Variants in GALNT12 observed in about 807,000 individuals in gnomAD.
GALNT12 encodes polypeptide N-acetylgalactosaminyltransferase 12, also known as UDP-GalNAc:polypeptide N-acetylgalactosaminyltransferase 12.
A neutral mutation model predicts 55.5 loss-of-function variants in GALNT12; 45 were observed. The ratio of observed to expected loss-of-function variants is 0.81; its 90% confidence interval spans 0.64 to 1.04. The LOEUF (loss-of-function observed/expected upper bound fraction) is 1.04. Ranked by LOEUF, GALNT12 falls within the 50% of genes least tolerant of loss-of-function variation. The probability of loss-of-function intolerance (pLI) is 0.00; values close to 1 mark genes in which losing one functional copy is unlikely to be tolerated. For missense variants in GALNT12, 709 were observed against 754.8 expected, an observed-to-expected ratio of 0.94 and a Z score of 0.71; for synonymous variants, 304 against 312.2, an observed-to-expected ratio of 0.97 and a Z score of 0.28.
chr9:98,835,137 T>G lies in GALNT12; in HGVS notation c.918-112T>G, dbSNP rs370803357. The G allele has an allele frequency of 2.5e-4, 204 of 820,710 alleles. 2 individuals are homozygous for G. In the African/African-American group the frequency reaches 2.5e-3, roughly 10 times the overall value. The allele number at this position is 820,710 out of a possible 1,614,324, so 50.8% of individuals were successfully genotyped here. A position where few individuals can be genotyped will look rare whatever the true frequency, so the allele number is the denominator to read the frequency against. Reference sequence around the variant, plus strand: ...GGGGCACAGAGGTGAAGGCGGGATATGCTTAGAGATGACAGATGAACAGAT... The same window carrying G: ...GGGGCACAGAGGTGAAGGCGGGATAGGCTTAGAGATGACAGATGAACAGAT... On this transcript the variant is annotated intron_variant, in intron 4 of 9. Coordinates refer to ENST00000375011, the MANE Select transcript of GALNT12 (RefSeq NM_024642.5).
rs562657592 is a variant in GALNT12, at chr9:98,812,814, T to C, written c.371+4745T>C. On this transcript the variant is annotated intron_variant, in intron 1 of 9. Transcript: ENST00000375011. ...ATTTTTTTCCTCTCTACTAATTTAG[T>C]AGTTATATTATCTATTTCTAACCTT... Among the ~76,000 whole-genome samples, 13 of 152,324 alleles carry C rather than the reference T, an allele frequency of 8.5e-5. 1 individual carries two copies. Among genetic ancestry groups the C allele is most frequent in the African/African-American group, 2.4e-4 (10 of 41,560 alleles).
chr9:98,819,126 G>A (rs1244903319), intron 1 of GALNT12, among the ~76,000 whole-genome samples: 1 of 152,212 alleles, frequency 6.6e-6, no homozygotes, highest in Non-Finnish European at 1.5e-5. Context: ...GGAAACAAGA[G>A]GAATCCTCAA....
At chr9:98,837,210 GGC>G in intron 6 of GALNT12, 62 bp downstream of exon 6, 1 of 1,526,832 alleles carries the variant, frequency 6.5e-7, no homozygotes, top group Non-Finnish European at 9.1e-7. Context: ...AGCTAATCGT[GGC>G]TTCCCCAACA....
chr9:98,833,954 A>G (rs1293822397), intron 4 of GALNT12, among the ~76,000 whole-genome samples: 1 of 152,042 alleles, frequency 6.6e-6, no homozygotes, highest in Non-Finnish European at 1.5e-5. Flanking sequence ...TATTTCCTAG[A>G]TTTTTAGGAT....
chr9:98,831,396 C>A (rs1194417244), intron 3 of GALNT12, among the ~76,000 whole-genome samples: 1 of 152,152 alleles, frequency 6.6e-6, no homozygotes, highest in African/African-American at 2.4e-5. Context: ...ACCCTTTGGT[C>A]TGGGTGCACC....
At chr9:98,822,834 G>A (rs948411383) in intron 1 of GALNT12, among the ~76,000 whole-genome samples, 3 of 152,262 alleles carry the variant, frequency 2.0e-5, no homozygotes, top group East Asian at 3.9e-4. Context: ...AGGAGAACAG[G>A]CCTGAGCTGG....
At chr9:98,844,231 G>A in intron 8 of GALNT12, 22 bp downstream of exon 8, 3 of 1,372,824 alleles carry the variant, frequency 2.2e-6, no homozygotes, top group East Asian at 2.3e-5. Context: ...CCTCAAAAGA[G>A]GAGAAAGCTG....
chr9:98,842,670 T>C lies in GALNT12; in HGVS notation c.1345-1426T>C, dbSNP rs556989641. On this transcript the variant is annotated intron_variant, in intron 7 of 9. Coordinates refer to ENST00000375011, the MANE Select transcript of GALNT12 (RefSeq NM_024642.5). ...TCCTCCCAGAAGCCCTGCTCCTTTGTTGGGTAACGGTATTGGGAGTCAGTC... is the reference window on the plus strand; with the variant it reads ...TCCTCCCAGAAGCCCTGCTCCTTTGCTGGGTAACGGTATTGGGAGTCAGTC... Among the ~76,000 whole-genome samples, 80 of 152,268 alleles carry C rather than the reference T, an allele frequency of 5.3e-4. No individual in the cohort carries two copies. In the South Asian group the frequency reaches 7.3e-3, roughly 14 times the overall value.
At position 98,835,362 on chromosome 9, in the gene GALNT12, T is replaced by G. The variant is rs1427277664; in HGVS notation, c.1031T>G (p.Phe344Cys). The change falls in exon 5 of 10, where the codon TTT becomes TGT. Residue 344 changes from phenylalanine to cysteine, a missense_variant. Phe to Cys is a radical substitution (Grantham distance 205). Coordinates refer to ENST00000375011, the MANE Select transcript of GALNT12 (RefSeq NM_024642.5). The stretch of plus-strand genomic sequence containing the variant: ...GGAGGAGAAAACCTCGAATTTTCCT[T>G]TAGGGTAAGTATTTCAGTCTTCTCT... ...VWGGENLEFS[F>C]RIWQCGGVLE... is the part of the protein sequence containing the mutation. 2 of 1,555,222 alleles carry G rather than the reference T, an allele frequency of 1.3e-6. No individual in the cohort carries two copies. Among genetic ancestry groups the G allele is most frequent in the African/African-American group, 2.7e-5 (2 of 73,792 alleles).
chr9:98,847,943 G>T (rs1021842919), intron 9 of GALNT12, among the ~76,000 whole-genome samples: 4 of 151,480 alleles, frequency 2.6e-5, no homozygotes, highest in African/African-American at 9.7e-5. Context: ...CTCCTGAGTA[G>T]CTGGGACTAC....
intron 1 of GALNT12, among the ~76,000 whole-genome samples, 197 bp from the exon 2 acceptor site, chr9:98,823,059 G>A (rs559971507): frequency 6.6e-6 from 1 of 152,182 alleles, no homozygotes; most frequent in African/African-American, 2.4e-5. Flanking sequence ...CACAGTAAAA[G>A]CTAGGTGGGT....
At chr9:98,827,074 A>G (rs1269370999) in intron 3 of GALNT12, 133 bp downstream of exon 3, 1 of 931,444 alleles carries the variant, frequency 1.1e-6, no homozygotes, top group Non-Finnish European at 1.7e-6. Flanking sequence ...TGGGCAGGAG[A>G]GCAGTCCCTG....
intron 4 of GALNT12, among the ~76,000 whole-genome samples, chr9:98,833,869 T>A (rs1317150623): frequency 6.6e-6 from 1 of 152,102 alleles, no homozygotes; most frequent in Non-Finnish European, 1.5e-5. Context: ...AGGGCACCTA[T>A]CCTCCCCATC....
intron 1 of GALNT12, among the ~76,000 whole-genome samples, chr9:98,814,912 C>G (rs961722059): frequency 6.6e-6 from 1 of 152,130 alleles, no homozygotes; most frequent in Non-Finnish European, 1.5e-5. Flanking sequence ...AAGTACAAGG[C>G]GTGCTGAAAA....
At chr9:98,813,500 A>T (rs7033907) in intron 1 of GALNT12, among the ~76,000 whole-genome samples, 9 of 133,172 alleles carry the variant, frequency 6.8e-5, no homozygotes, top group Admixed American at 1.5e-4. Flanking sequence ...CCATTTAAAA[A>T]ATTTTTTTTT....
intron 6 of GALNT12, among the ~76,000 whole-genome samples, chr9:98,838,677 C>T (rs952578000): frequency 6.6e-6 from 1 of 152,250 alleles, no homozygotes; most frequent in Non-Finnish European, 1.5e-5. Flanking sequence ...GCTCTGCATG[C>T]TCCATGGCAG....
intron 2 of GALNT12, among the ~76,000 whole-genome samples, chr9:98,825,432 C>T (rs1053525859): frequency 2.6e-5 from 4 of 152,126 alleles, no homozygotes; most frequent in African/African-American, 9.7e-5. Context: ...TTAGGAAGTC[C>T]TGCCTTGCCT....
chr9:98,818,315 C>CG (rs1564248706), intron 1 of GALNT12, among the ~76,000 whole-genome samples: 1 of 152,046 alleles, frequency 6.6e-6, no homozygotes, highest in East Asian at 1.9e-4. Flanking sequence ...CTCCGCCCCC[C>CG]GGGTTCAAGC....
At position 98,826,902 on chromosome 9, in the gene GALNT12, G is replaced by A. The variant is rs2118378333; in HGVS notation, c.692G>A (p.Cys231Tyr). Residue 231 changes from cysteine (C) to tyrosine (Y), a missense_variant, in exon 3 of 10, where the codon TGT becomes TAT. This residue lies in a region of GALNT12 where 315 missense variants were observed against 288.6 expected (regional missense o/e 1.09). Coordinates refer to ENST00000375011, the MANE Select transcript of GALNT12 (RefSeq NM_024642.5). ...GDVLTFLDCH[C>Y]ECHEGWLEPL... ...GTTCTGACCTTCCTGGACTGTCACT[G>A]TGAGTGCCACGAAGGGTGGCTGGAG... is the stretch of plus-strand genomic sequence containing the variant. The A allele has an allele frequency of 6.3e-7, 1 of 1,580,956 alleles. No homozygotes were observed. The highest frequency in any genetic ancestry group is 1.2e-5 in the South Asian group (1 of 86,668).
Sources: gnomAD v4.1 joint callset for allele counts (sites outside exome capture counted in the v4.1 genomes callset) on GRCh38, gnomAD v4.1.1 for gene constraint, gnomAD v4.1.1 regional missense constraint, MANE v1.5 for transcripts, NCBI Gene and HGNC (gene_info 2026-07-23, HGNC 2026-07-21) for gene names.